The following IL12RB2 variants were observed in gnomAD, a reference collection of about 807,000 sequenced individuals.
IL12RB2 encodes the protein interleukin-12 receptor subunit beta-2.
Under a neutral mutation model 89.4 loss-of-function variants are expected in IL12RB2, and 82 were observed. The observed-to-expected ratio is 0.92, with a 90% confidence interval of 0.77 to 1.10. The LOEUF is 1.10. Among genes scored for constraint, IL12RB2 ranks in the 50% least tolerant of loss-of-function variants. The probability of loss-of-function intolerance (pLI) is 0.00; values close to 1 mark genes in which losing one functional copy is unlikely to be tolerated. For missense variants in IL12RB2, 963 were observed against 1,031.9 expected (o/e 0.93, Z 0.92); for synonymous variants, 368 against 370.1 (o/e 0.99, Z 0.07).
At chr1:67,358,409 C>T (rs1661629632) in intron 10 of IL12RB2, among the ~76,000 whole-genome samples, 1 of 151,876 alleles carries the variant, frequency 6.6e-6, no homozygotes, top group Non-Finnish European at 1.5e-5. Context: ...AACCCTGTCT[C>T]TACTAAAAAT....
chr1:67,318,440 G>T (rs1301551640), intron 2 of IL12RB2, among the ~76,000 whole-genome samples: 1 of 152,208 alleles, frequency 6.6e-6, no homozygotes, highest in African/African-American at 2.4e-5. Flanking sequence ...AAGACATGTT[G>T]ACGGCTAGAA....
intron 2 of IL12RB2, among the ~76,000 whole-genome samples, chr1:67,318,471 A>G (rs1019303243): frequency 6.6e-6 from 1 of 152,148 alleles, no homozygotes; most frequent in African/African-American, 2.4e-5. Flanking sequence ...GAGAGATGAC[A>G]GTGGTTTGGA....
Position 67,321,713 on chromosome 1 carries a change from C to G in IL12RB2, c.188C>G (p.Ser63Cys). The stretch of plus-strand genomic sequence containing the variant: ...CCCAGACAAGGCTGCTTTCACTATT[C>G]CAGACGTAACAAGTTAATCCTGTAC... ...LKPRQGCFHY[S>C]RRNKLILYKF... The change falls in exon 4 of 17, where the codon TCC becomes TGC. Residue 63 changes from serine to cysteine, a missense_variant. Transcript: ENST00000674203. 1 of 1,610,868 alleles carries G rather than the reference C, an allele frequency of 6.2e-7. No individual in the cohort carries two copies. Among genetic ancestry groups the G allele is most frequent in the Non-Finnish European group, 8.5e-7 (1 of 1,177,080 alleles).
At chr1:67,328,179 G>A (rs371386740) in intron 5 of IL12RB2, 21 bp from the exon 6 acceptor site, 13 of 1,518,856 alleles carry the variant, frequency 8.6e-6, no homozygotes, top group African/African-American at 6.8e-5. Flanking sequence ...GTTGCTACAC[G>A]TGGTTGTGTT....
intron 10 of IL12RB2, among the ~76,000 whole-genome samples, chr1:67,357,910 A>C (rs1476809228): frequency 6.6e-6 from 1 of 152,210 alleles, no homozygotes; most frequent in Non-Finnish European, 1.5e-5. Context: ...AGTTATATCA[A>C]CCATCTAAAA....
chr1:67,357,558 CT>C (rs1284859020), intron 10 of IL12RB2, among the ~76,000 whole-genome samples: 1 of 152,186 alleles, frequency 6.6e-6, no homozygotes, highest in Non-Finnish European at 1.5e-5. Context: ...TTGTTTCCAT[CT>C]CTTAAACTTC....
intron 10 of IL12RB2, among the ~76,000 whole-genome samples, chr1:67,352,967 C>A (rs1661009891): frequency 1.3e-5 from 2 of 152,196 alleles, no homozygotes; most frequent in South Asian, 4.1e-4. Context: ...TTAAATTAAA[C>A]TTGTATCTTT....
chr1:67,390,283 T>C (rs1332903547), intron 16 of IL12RB2, among the ~76,000 whole-genome samples, 155 bp downstream of exon 16: 4 of 152,104 alleles, frequency 2.6e-5, no homozygotes, highest in Admixed American at 1.3e-4. Flanking sequence ...CATTCTCATT[T>C]TAATTCCTGA....
chr1:67,358,114 T>C (rs936764247), intron 10 of IL12RB2, among the ~76,000 whole-genome samples: 4 of 151,494 alleles, frequency 2.6e-5, no homozygotes, highest in Non-Finnish European at 4.4e-5. Flanking sequence ...TATAACAATA[T>C]TTAGGGAGAA....
At position 67,334,621 on chromosome 1, in the gene IL12RB2, G is replaced by A. The variant is rs558405405; in HGVS notation, c.958+3811G>A. ...AGCCTCCCGAGTAGCTGGGACTACA[G>A]GCACCCCGCCACCACGCCCGGCTAA... On this transcript the variant is annotated intron_variant, in intron 8 of 16. Coordinates refer to ENST00000674203, the MANE Select transcript of IL12RB2 (RefSeq NM_001374259.2). Among the ~76,000 whole-genome samples, 283 of 109,640 alleles carry A rather than the reference G, an allele frequency of 2.6e-3. 2 individuals are homozygous for A. The highest frequency in any genetic ancestry group is 7.1e-3 in the African/African-American group (276 of 38,814). 71.9% of individuals were successfully genotyped at this position (109,640 alleles called of 152,430 possible).
At chr1:67,386,208 C>CA (rs755471388) in intron 14 of IL12RB2, among the ~76,000 whole-genome samples, 28,229 of 54,884 alleles carry the variant, frequency 0.51, 8,003 homozygotes, top group South Asian at 0.59. Flanking sequence ...GACTCCATCT[C>CA]AAAAAAAAAA....
rs1342287914 is a variant in IL12RB2 at position 67,392,955 on chromosome 1, A to AT, written c.2047-2585dup. ...ATCTTAAGAAAACTGTGTGCATATA[A>AT]TTTTTTTGCAAAAATAACCAGTGAA... On this transcript the variant is annotated intron_variant, in intron 16 of 16. Transcript: ENST00000674203. Among the ~76,000 whole-genome samples the AT allele has an allele frequency of 2.6e-5, 4 of 152,162 alleles. No homozygotes were observed. In the East Asian group the frequency reaches 5.8e-4, roughly 22 times the overall value.
chr1:67,395,284 A>AG (rs1666252353), intron 16 of IL12RB2, among the ~76,000 whole-genome samples: 1 of 148,644 alleles, frequency 6.7e-6, no homozygotes, highest in East Asian at 1.9e-4. Context: ...AAAAAAAAAA[A>AG]GAAAGAAAGA....
chr1:67,382,893 T>C (rs1232814400), intron 14 of IL12RB2, among the ~76,000 whole-genome samples: 2 of 152,074 alleles, frequency 1.3e-5, no homozygotes, highest in African/African-American at 4.8e-5. Flanking sequence ...ACTTTTGACA[T>C]TGTGCCTTTT....
chr1:67,390,679 G>A (rs1665716330), intron 16 of IL12RB2, among the ~76,000 whole-genome samples: 1 of 152,082 alleles, frequency 6.6e-6, no homozygotes, highest in South Asian at 2.1e-4. Context: ...AGAGGGGAGA[G>A]TAAAGGAAGT....
intron 4 of IL12RB2, among the ~76,000 whole-genome samples, chr1:67,324,543 A>G (rs188667869): frequency 1.0e-3 from 155 of 152,000 alleles, no homozygotes; most frequent in African/African-American, 3.7e-3. Context: ...TTTAGTAGAG[A>G]CAGGGTTTCA....
At chr1:67,321,479 T>A (rs1656514675) in intron 3 of IL12RB2, 123 bp from the exon 4 acceptor site, 3 of 736,104 alleles carry the variant, frequency 4.1e-6, no homozygotes, top group Non-Finnish European at 7.5e-6. Flanking sequence ...GACATGTAGG[T>A]TAATTATATT....
intron 9 of IL12RB2, among the ~76,000 whole-genome samples, chr1:67,345,792 A>G (rs1050058252): frequency 3.3e-5 from 5 of 152,222 alleles, no homozygotes; most frequent in African/African-American, 1.2e-4. Flanking sequence ...CTAGTCACAC[A>G]TGTTATGCCA....
intron 10 of IL12RB2, among the ~76,000 whole-genome samples, chr1:67,356,041 A>G (rs1224116517): frequency 2.0e-5 from 3 of 152,330 alleles, no homozygotes; most frequent in East Asian, 3.9e-4. Flanking sequence ...TACTTGCTGA[A>G]TGAGTAAATT....
Sources: gnomAD v4.1 joint callset for allele counts (sites outside exome capture counted in the v4.1 genomes callset) on GRCh38, gnomAD v4.1.1 for gene constraint, MANE v1.5 for transcripts, NCBI Gene and HGNC (gene_info 2026-07-23, HGNC 2026-07-21) for gene names.